SGCZ: variants seen among roughly 807,000 people sequenced by gnomAD.
The protein encoded by SGCZ is zeta-sarcoglycan.
SGCZ carries 40 observed loss-of-function variants against 41.3 expected under a neutral mutation model. The ratio of observed to expected loss-of-function variants is 0.97; its 90% CI spans 0.75 to 1.26. The LOEUF (loss-of-function observed/expected upper bound fraction) is 1.26. Ranked by LOEUF, SGCZ falls within the 50% of genes most tolerant of loss-of-function variation. SGCZ has a pLI of 0.00. For missense variants in SGCZ, 552 were observed against 369.8 expected, an observed-to-expected ratio of 1.49 and a Z score of -4.04; for synonymous variants, 206 against 137.5, an observed-to-expected ratio of 1.50 and a Z score of -3.49.
At chr8:14,898,627 A>G (rs1585360492) in intron 1 of SGCZ, among the ~76,000 whole-genome samples, 1 of 152,304 alleles carries the variant, frequency 6.6e-6, no homozygotes. Context: ...ATTTGAGAAT[A>G]TATATAAGCG....
intron 1 of SGCZ, among the ~76,000 whole-genome samples, chr8:14,566,555 T>C (rs1368928489): frequency 3.3e-5 from 5 of 152,256 alleles, no homozygotes; most frequent in Non-Finnish European, 5.9e-5. Flanking sequence ...ACCTATATCA[T>C]GAGTACAATT....
intron 1 of SGCZ, among the ~76,000 whole-genome samples, chr8:15,143,011 T>C (rs1179481180): frequency 6.6e-6 from 1 of 152,236 alleles, no homozygotes; most frequent in Non-Finnish European, 1.5e-5. Context: ...AAGGACGTAC[T>C]GTCCTAGAGT....
chr8:14,162,289 T>G (rs537782779), intron 5 of SGCZ, among the ~76,000 whole-genome samples: 2 of 152,268 alleles, frequency 1.3e-5, no homozygotes, highest in South Asian at 4.1e-4. Flanking sequence ...AATGAGAATA[T>G]CGGAATATGG....
chr8:14,950,906 A>G lies in SGCZ; in HGVS notation c.39+286679T>C, dbSNP rs191431115. The stretch of plus-strand genomic sequence containing the variant: ...AATTAGAAGTCTTAAATTTAAATGG[A>G]AAGAGCCAAAATTAATGAATACTCT... On this transcript the variant is annotated intron_variant, in intron 1 of 7. Coordinates refer to ENST00000382080, the MANE Select transcript of SGCZ (RefSeq NM_139167.4). Among the ~76,000 whole-genome samples the G allele has an allele frequency of 4.1e-3, 617 of 152,166 alleles. 4 individuals carry two copies. The highest frequency in any genetic ancestry group is 0.017 in the South Asian group (83 of 4,830).
intron 1 of SGCZ, among the ~76,000 whole-genome samples, chr8:14,819,922 CTAAAG>C (rs532291291): frequency 5.5e-4 from 83 of 152,028 alleles, no homozygotes; most frequent in African/African-American, 1.9e-3. Context: ...CACCAAACTA[CTAAAG>C]TAAACAGCCA....
At chr8:14,307,746 A>G (rs1195860191) in intron 3 of SGCZ, among the ~76,000 whole-genome samples, 1 of 152,152 alleles carries the variant, frequency 6.6e-6, no homozygotes, top group Non-Finnish European at 1.5e-5. Flanking sequence ...TTTTTAATAT[A>G]AAGACATACA....
Position 14,322,429 on chromosome 8 carries a change from G to A in SGCZ, c.336+1674C>T, listed in dbSNP as rs367833950. 1.5e-4 allele frequency among the ~76,000 whole-genome samples: 23 copies of A among 152,134 alleles called. No homozygotes were observed. In the East Asian group the frequency reaches 3.5e-3, roughly 23 times the overall value. On this transcript the variant is annotated intron_variant, in intron 3 of 7. Transcript: ENST00000382080. Reference sequence around the variant, plus strand: ...AAGCGCAAGTGGCTCCACCTCACACGTTAATGCTATAATGTTAGTGGACTC... The same window carrying A: ...AAGCGCAAGTGGCTCCACCTCACACATTAATGCTATAATGTTAGTGGACTC...
rs182304397 is a variant in SGCZ, at chr8:14,747,367, T to C, written c.40-192441A>G. On this transcript the variant is annotated intron_variant, in intron 1 of 7. Coordinates refer to ENST00000382080, the MANE Select transcript of SGCZ (RefSeq NM_139167.4). The stretch of plus-strand genomic sequence containing the variant: ...TTAAGATTTAAAAATCTGGAGTTAC[T>C]GGTGGCCTGGCCATATTTCAGCCAT... 1.1e-3 allele frequency among the ~76,000 whole-genome samples: 168 copies of C among 152,234 alleles called. 2 individuals carry two copies. In the Middle Eastern group the frequency reaches 0.027, roughly 25 times the overall value.
chr8:14,355,433 T>G (rs1045410014), intron 2 of SGCZ, among the ~76,000 whole-genome samples: 4 of 152,120 alleles, frequency 2.6e-5, no homozygotes, highest in African/African-American at 9.6e-5. Flanking sequence ...CATTTATTCT[T>G]TAACAAATAC....
chr8:14,954,876 G>A (rs189230109), intron 1 of SGCZ, among the ~76,000 whole-genome samples: 1 of 152,280 alleles, frequency 6.6e-6, no homozygotes, highest in East Asian at 1.9e-4. Context: ...CATTGTTTGT[G>A]ATGATTTGTT....
At chr8:14,269,642 T>C (rs10088009) in intron 3 of SGCZ, among the ~76,000 whole-genome samples, 5,234 of 152,204 alleles carry the variant, frequency 0.034, 115 homozygotes, top group African/African-American at 0.061. Flanking sequence ...CAGATAAATT[T>C]CTGATGATAG....
At chr8:14,973,924 C>G (rs116902646) in intron 1 of SGCZ, among the ~76,000 whole-genome samples, 2 of 152,106 alleles carry the variant, frequency 1.3e-5, no homozygotes, top group East Asian at 3.9e-4. Flanking sequence ...AGAGACTAGG[C>G]TTTTTTTAAA....
chr8:14,960,713 C>G (rs945195172), intron 1 of SGCZ, among the ~76,000 whole-genome samples: 3 of 152,058 alleles, frequency 2.0e-5, no homozygotes, highest in Admixed American at 1.3e-4. Context: ...TGTACCACTT[C>G]TGAGCTGTGA....
chr8:14,667,054 CAT>C lies in SGCZ; in HGVS notation c.40-112130_40-112129del, dbSNP rs372496637. ...GATAATAGAGACATATAGAGAGAGA[CAT>C]ATATATATGTCAATGTTATAGTATT... On this transcript the variant is annotated intron_variant, in intron 1 of 7. Transcript: ENST00000382080. Among the ~76,000 whole-genome samples the C allele has an allele frequency of 2.2e-3, 337 of 151,846 alleles. 3 individuals are homozygous for C. The highest frequency in any genetic ancestry group is 7.9e-3 in the African/African-American group (326 of 41,394).
At chr8:14,520,856 C>T (rs1313010092) in intron 2 of SGCZ, among the ~76,000 whole-genome samples, 2 of 151,968 alleles carry the variant, frequency 1.3e-5, no homozygotes, top group Admixed American at 1.3e-4. Flanking sequence ...TAACAGTGCA[C>T]ATTTTTAGGA....
intron 2 of SGCZ, among the ~76,000 whole-genome samples, chr8:14,535,671 A>G (rs1185747042): frequency 1.3e-5 from 2 of 151,898 alleles, no homozygotes; most frequent in African/African-American, 4.8e-5. Context: ...TTTTGCTTTC[A>G]TTTATAAATA....
chr8:14,693,498 G>C (rs923923815), intron 1 of SGCZ, among the ~76,000 whole-genome samples: 1 of 149,780 alleles, frequency 6.7e-6, no homozygotes, highest in African/African-American at 2.5e-5. Context: ...CACCATGTTG[G>C]TCAGGCTGAT....
At chr8:14,674,355 T>C (rs1457959383) in intron 1 of SGCZ, among the ~76,000 whole-genome samples, 2 of 152,144 alleles carry the variant, frequency 1.3e-5, no homozygotes, top group Non-Finnish European at 2.9e-5. Context: ...GAAACTACTA[T>C]TGTTCAAAGT....
At chr8:14,419,295 G>T (rs1205070005) in intron 2 of SGCZ, among the ~76,000 whole-genome samples, 1 of 151,874 alleles carries the variant, frequency 6.6e-6, no homozygotes, top group Non-Finnish European at 1.5e-5. Flanking sequence ...GCTAGATAAT[G>T]GGAGTTACGT....
Sources: allele counts gnomAD v4.1 joint callset (sites outside exome capture counted in the v4.1 genomes callset), GRCh38; gene constraint gnomAD v4.1.1; transcripts MANE v1.5; gene names NCBI Gene and HGNC (gene_info 2026-07-23, HGNC 2026-07-21).